The following XNDC1N variants were observed in gnomAD, a reference collection of about 807,000 sequenced individuals.
XNDC1N encodes the protein XRCC1 N-terminal domain containing 1, N-terminal like.
the XNDC1N span, among the ~76,000 whole-genome samples, chr11:71,884,838 G>A: frequency 6.6e-6 from 1 of 151,768 alleles, no homozygotes; most frequent in Admixed American, 6.6e-5. Flanking sequence ...TGCCCCCCTG[G>A]CTCTTAGAAC....
chr11:71,908,533 C>T, the XNDC1N span, among the ~76,000 whole-genome samples: 1 of 152,100 alleles, frequency 6.6e-6, no homozygotes, highest in East Asian at 1.9e-4. Context: ...AACGGGGACA[C>T]AAATGCCCCT....
chr11:71,900,116 C>T, the XNDC1N span, among the ~76,000 whole-genome samples: 1 of 152,268 alleles, frequency 6.6e-6, no homozygotes, highest in Non-Finnish European at 1.5e-5. Flanking sequence ...TTCTATTGCT[C>T]ACATCTTCGT....
At chr11:71,920,863 G>T in the XNDC1N span, among the ~76,000 whole-genome samples, 2 of 152,134 alleles carry the variant, frequency 1.3e-5, no homozygotes, top group Non-Finnish European at 2.9e-5. Context: ...TACTTGGGGG[G>T]CCAAGGCAGG....
At chr11:71,904,889 T>C in the XNDC1N span, among the ~76,000 whole-genome samples, 1 of 151,954 alleles carries the variant, frequency 6.6e-6, no homozygotes, top group Non-Finnish European at 1.5e-5. Context: ...ATATACACCC[T>C]GGTGCCATTG....
chr11:71,924,514 TA>T, the XNDC1N span, among the ~76,000 whole-genome samples: 1 of 152,058 alleles, frequency 6.6e-6, no homozygotes, highest in Non-Finnish European at 1.5e-5. Flanking sequence ...CCGTCTCTAT[TA>T]AAAATACAAA....
At chr11:71,883,536 A>C in the XNDC1N span, among the ~76,000 whole-genome samples, 13 of 152,312 alleles carry the variant, frequency 8.5e-5, no homozygotes, top group African/African-American at 9.6e-5. Context: ...CTGAATATTC[A>C]TATGCAAAAG....
At chr11:71,899,381 A>G in the XNDC1N span, among the ~76,000 whole-genome samples, 58 of 152,066 alleles carry the variant, frequency 3.8e-4, 1 homozygote, top group Non-Finnish European at 6.2e-4. Flanking sequence ...TAGGGAAAAG[A>G]AAGAGATCAG....
the XNDC1N span, among the ~76,000 whole-genome samples, chr11:71,900,879 A>C: frequency 6.6e-6 from 1 of 152,196 alleles, no homozygotes; most frequent in African/African-American, 2.4e-5. Flanking sequence ...TCATGAGGTC[A>C]AAAAGGGTGA....
At chr11:71,885,960 AT>A in the XNDC1N span, among the ~76,000 whole-genome samples, 5 of 152,134 alleles carry the variant, frequency 3.3e-5, no homozygotes, top group South Asian at 4.2e-4. Flanking sequence ...ATTATGGGTT[AT>A]TAATATTGAT....
the XNDC1N span, among the ~76,000 whole-genome samples, chr11:71,901,625 CA>C: frequency 1.2e-4 from 18 of 150,572 alleles, no homozygotes; most frequent in Non-Finnish European, 2.1e-4. Context: ...AAACAAAAAA[CA>C]AAAAAAACCA....
the XNDC1N span, among the ~76,000 whole-genome samples, chr11:71,901,270 G>A: frequency 1.3e-5 from 2 of 152,194 alleles, no homozygotes; most frequent in African/African-American, 4.8e-5. Context: ...ATGCTCCTCC[G>A]ATGTGCCTGT....
At chr11:71,892,419 T>C in the XNDC1N span, among the ~76,000 whole-genome samples, 1 of 152,170 alleles carries the variant, frequency 6.6e-6, no homozygotes, top group Non-Finnish European at 1.5e-5. Context: ...ACACCCACTG[T>C]ATTATTAGGA....
chr11:71,874,329 T>A, the XNDC1N span, among the ~76,000 whole-genome samples: 19 of 152,104 alleles, frequency 1.2e-4, no homozygotes, highest in South Asian at 2.1e-4. Flanking sequence ...CAAAAATTTT[T>A]AAAAATAAAA....
At chr11:71,908,049 T>C in the XNDC1N span, among the ~76,000 whole-genome samples, 1 of 152,186 alleles carries the variant, frequency 6.6e-6, no homozygotes, top group Non-Finnish European at 1.5e-5. Flanking sequence ...TACTGCGATA[T>C]AGAACGTAAT....
chr11:71,894,136 C>A, the XNDC1N span: 1 of 515,140 alleles, frequency 1.9e-6, no homozygotes, highest in Non-Finnish European at 3.2e-6. Flanking sequence ...TAAAATCGTC[C>A]CCTCCATTCT....
the XNDC1N span, among the ~76,000 whole-genome samples, chr11:71,898,213 TGA>T: frequency 2.8e-5 from 4 of 143,586 alleles, no homozygotes; most frequent in South Asian, 8.9e-4. Context: ...TAAAACCAAA[TGA>T]AAAAAAAAAC....
At chr11:71,901,241 G>A in the XNDC1N span, among the ~76,000 whole-genome samples, 5 of 152,128 alleles carry the variant, frequency 3.3e-5, no homozygotes, top group African/African-American at 7.3e-5. Flanking sequence ...TATTGAGGAA[G>A]CTGGAAAGCG....
the XNDC1N span, among the ~76,000 whole-genome samples, chr11:71,908,554 C>T: frequency 6.6e-6 from 1 of 152,180 alleles, no homozygotes; most frequent in South Asian, 2.1e-4. Context: ...GAGAGAGCAG[C>T]GATATACTGG....
At chr11:71,889,687 CCATGTGTTACCTGCCGACAG>C in the XNDC1N span, among the ~76,000 whole-genome samples, 2 of 152,166 alleles carry the variant, frequency 1.3e-5, no homozygotes, top group Admixed American at 6.5e-5. Context: ...GGTGAGGCAG[CCATGTGTTACCTGCCGACAG>C]CATGATATGA....
Sources: gnomAD v4.1 joint callset for allele counts (sites outside exome capture counted in the v4.1 genomes callset) on GRCh38, gnomAD v4.1.1 for gene constraint, MANE v1.5 for transcripts, NCBI Gene and HGNC (gene_info 2026-07-23, HGNC 2026-07-21) for gene names.